Variants in HS6ST3 observed in about 807,000 individuals in gnomAD.
HS6ST3 encodes the protein heparan-sulfate 6-O-sulfotransferase 3.
In HS6ST3, 12 loss-of-function variants were observed where a neutral mutation model predicts 36.7. The ratio of observed to expected loss-of-function variants is 0.33; its 90% confidence interval spans 0.21 to 0.53. The LOEUF (loss-of-function observed/expected upper bound fraction) is 0.53. Among genes scored for constraint, HS6ST3 ranks in the 20% least tolerant of loss-of-function variants. The probability of loss-of-function intolerance (pLI) is 0.95; values close to 1 mark genes in which losing one functional copy is unlikely to be tolerated. For missense variants in HS6ST3, 584 were observed against 640.9 expected (o/e 0.91, Z 0.96); for synonymous variants, 240 against 257.5 (o/e 0.93, Z 0.65).
At chr13:96,500,760 C>T (rs186091516) in intron 1 of HS6ST3, among the ~76,000 whole-genome samples, 2 of 152,248 alleles carry the variant, frequency 1.3e-5, no homozygotes, top group East Asian at 1.9e-4. Context: ...CATGTATTTT[C>T]TAGAGAGAGA....
intron 1 of HS6ST3, among the ~76,000 whole-genome samples, chr13:96,216,822 C>T (rs1399385706): frequency 6.6e-6 from 1 of 152,114 alleles, no homozygotes; most frequent in African/African-American, 2.4e-5. Context: ...ATTCAGCACA[C>T]TAAGACAGGT....
chr13:96,710,444 TA>T (rs1218630619), intron 1 of HS6ST3, among the ~76,000 whole-genome samples: 3 of 152,148 alleles, frequency 2.0e-5, no homozygotes, highest in Non-Finnish European at 4.4e-5. Context: ...GCCCAGAGAC[TA>T]AAGTGAAAAA....
chr13:96,317,360 A>AAT (rs2054978981), intron 1 of HS6ST3, among the ~76,000 whole-genome samples: 1 of 29,344 alleles, frequency 3.4e-5, no homozygotes, highest in African/African-American at 1.2e-4. Context: ...ATATATATAT[A>AAT]TATATATAAA....
At chr13:96,752,148 C>T (rs746182998) in intron 1 of HS6ST3, among the ~76,000 whole-genome samples, 8 of 151,964 alleles carry the variant, frequency 5.3e-5, no homozygotes, top group African/African-American at 1.7e-4. Flanking sequence ...GTTTATATAA[C>T]GGTATCACAA....
At chr13:96,191,623 C>T (rs1228918616) in intron 1 of HS6ST3, among the ~76,000 whole-genome samples, 1 of 152,140 alleles carries the variant, frequency 6.6e-6, no homozygotes, top group Non-Finnish European at 1.5e-5. Context: ...TTTAACATCA[C>T]TCCATATTTT....
At chr13:96,656,381 A>C (rs754970907) in intron 1 of HS6ST3, among the ~76,000 whole-genome samples, 6 of 152,176 alleles carry the variant, frequency 3.9e-5, no homozygotes, top group Non-Finnish European at 7.3e-5. Context: ...CATTAAGGGA[A>C]GCCTCATTTT....
chr13:96,416,661 ATT>A (rs55827702), intron 1 of HS6ST3, among the ~76,000 whole-genome samples: 136 of 143,416 alleles, frequency 9.5e-4, no homozygotes, highest in Middle Eastern at 3.7e-3. Context: ...CTGTAAGTGT[ATT>A]TTTTTTTTTT....
chr13:96,116,555 A>G (rs765211361), intron 1 of HS6ST3, among the ~76,000 whole-genome samples: 7 of 152,154 alleles, frequency 4.6e-5, no homozygotes, highest in African/African-American at 7.2e-5. Context: ...TTCCCAAACC[A>G]TGAGGTTTCA....
At chr13:96,158,524 A>G (rs1250151129) in intron 1 of HS6ST3, among the ~76,000 whole-genome samples, 1 of 151,806 alleles carries the variant, frequency 6.6e-6, no homozygotes, top group Non-Finnish European at 1.5e-5. Flanking sequence ...ATGGTGGTAC[A>G]TGCCTGTAGT....
At chr13:96,646,189 AAG>A (rs1397297827) in intron 1 of HS6ST3, among the ~76,000 whole-genome samples, 1 of 152,032 alleles carries the variant, frequency 6.6e-6, no homozygotes, top group African/African-American at 2.4e-5. Flanking sequence ...TTGCGGTGAC[AAG>A]AGTCTCCAAT....
intron 1 of HS6ST3, among the ~76,000 whole-genome samples, chr13:96,535,250 G>A (rs935968077): frequency 3.3e-5 from 5 of 152,032 alleles, no homozygotes; most frequent in East Asian, 3.9e-4. Flanking sequence ...ATAGGTATGC[G>A]TGGAGTTAAA....
chr13:96,209,065 G>A (rs2054385974), intron 1 of HS6ST3, among the ~76,000 whole-genome samples: 1 of 152,164 alleles, frequency 6.6e-6, no homozygotes. Flanking sequence ...TTGGGATACA[G>A]AACTACCATA....
intron 1 of HS6ST3, among the ~76,000 whole-genome samples, chr13:96,432,219 A>G (rs1368968953): frequency 2.6e-5 from 4 of 152,218 alleles, no homozygotes; most frequent in Non-Finnish European, 5.9e-5. Context: ...AGTTTCAGAA[A>G]GCCCTTCAAA....
Position 96,183,211 on chromosome 13 carries a change from A to T in HS6ST3, c.707+91642A>T, listed in dbSNP as rs188433960. On this transcript the variant is annotated intron_variant, in intron 1 of 1. Transcript: ENST00000376705. The stretch of plus-strand genomic sequence containing the variant: ...TAAAGCTTTTTTTTGGCGGGGGGGA[A>T]GTCTCGTATAAAAGTTGATTTTTCT... Among the ~76,000 whole-genome samples, 60 of 152,296 alleles carry T rather than the reference A, an allele frequency of 3.9e-4. 1 individual carries two copies. In the East Asian group the frequency reaches 5.0e-3, roughly 13 times the overall value.
chr13:96,483,290 G>A (rs1469121194), intron 1 of HS6ST3, among the ~76,000 whole-genome samples: 1 of 152,154 alleles, frequency 6.6e-6, no homozygotes, highest in East Asian at 1.9e-4. Flanking sequence ...GCGCTTACGA[G>A]GTGAATATTC....
At chr13:96,377,501 T>C (rs2055320631) in intron 1 of HS6ST3, among the ~76,000 whole-genome samples, 1 of 152,232 alleles carries the variant, frequency 6.6e-6, no homozygotes, top group Admixed American at 6.5e-5. Flanking sequence ...TTTGCTATAT[T>C]ATTTAGATCT....
intron 1 of HS6ST3, among the ~76,000 whole-genome samples, chr13:96,607,658 C>G (rs1197436091): frequency 1.3e-5 from 2 of 152,074 alleles, no homozygotes; most frequent in African/African-American, 2.4e-5. Flanking sequence ...AGTGTTTTTA[C>G]TAGTCATATT....
At chr13:96,683,534 C>G (rs909002344) in intron 1 of HS6ST3, among the ~76,000 whole-genome samples, 3 of 152,016 alleles carry the variant, frequency 2.0e-5, no homozygotes, top group African/African-American at 7.2e-5. Flanking sequence ...GGCACTTCGT[C>G]TCAGGCAAGT....
At chr13:96,495,925 A>G (rs989302298) in intron 1 of HS6ST3, among the ~76,000 whole-genome samples, 23 of 152,328 alleles carry the variant, frequency 1.5e-4, no homozygotes, top group Admixed American at 1.5e-3. Context: ...TAAGGCCCCC[A>G]CGCAAGACAG....
Sources: allele counts gnomAD v4.1 joint callset (sites outside exome capture counted in the v4.1 genomes callset), GRCh38; gene constraint gnomAD v4.1.1; transcripts MANE v1.5; gene names NCBI Gene and HGNC (gene_info 2026-07-23, HGNC 2026-07-21).